FRYL: variants seen among roughly 807,000 people sequenced by gnomAD.
FRYL encodes the protein FRY like transcription coactivator.
In FRYL, 150 loss-of-function variants were observed where a neutral mutation model predicts 351.2. The observed-to-expected ratio is 0.43, with a 90% CI of 0.37 to 0.49. The LOEUF is 0.49. FRYL is among the 20% of genes least tolerant of loss of function. FRYL has a pLI of 0.00. For synonymous variants in FRYL, 1,153 were observed against 1,257.1 expected, an observed-to-expected ratio of 0.92 and a Z score of 1.75; for missense variants, 3,036 against 3,619.3, an observed-to-expected ratio of 0.84 and a Z score of 4.13.
At chr4:48,739,128 C>A (rs114807211) in intron 1 of FRYL, among the ~76,000 whole-genome samples, 3 of 152,134 alleles carry the variant, frequency 2.0e-5, no homozygotes, top group Non-Finnish European at 4.4e-5. Context: ...TGGCTGGGCA[C>A]GGTGGCTCAT....
At chr4:48,664,321 T>C (rs763959643) in intron 3 of FRYL, among the ~76,000 whole-genome samples, 1 of 152,170 alleles carries the variant, frequency 6.6e-6, no homozygotes, top group African/African-American at 2.4e-5. Context: ...TGGAAGTCAA[T>C]GGGCTATTTA....
intron 2 of FRYL, among the ~76,000 whole-genome samples, chr4:48,689,917 C>T (rs1184025869): frequency 3.7e-5 from 5 of 134,070 alleles, no homozygotes; most frequent in Non-Finnish European, 3.1e-5. Flanking sequence ...TTTTTTGAGA[C>T]GGAGTCTCAC....
intron 60 of FRYL, among the ~76,000 whole-genome samples, chr4:48,503,352 A>G (rs141144657): frequency 7.2e-5 from 11 of 152,290 alleles, no homozygotes; most frequent in African/African-American, 2.6e-4. Context: ...CAGGCTTCCT[A>G]TCCTTTACTG....
At chr4:48,524,813 A>G (rs1725657154) in intron 53 of FRYL, among the ~76,000 whole-genome samples, 1 of 152,186 alleles carries the variant, frequency 6.6e-6, no homozygotes, top group East Asian at 1.9e-4. Context: ...ACAAGAGGCA[A>G]ACAAAAAGAA....
chr4:48,673,584 T>C (rs1763065596), intron 3 of FRYL, among the ~76,000 whole-genome samples: 2 of 152,140 alleles, frequency 1.3e-5, no homozygotes, highest in African/African-American at 4.8e-5. Context: ...AAAAATACTG[T>C]ATACCTAAAG....
intron 7 of FRYL, among the ~76,000 whole-genome samples, chr4:48,617,122 G>A (rs1177705693): frequency 6.6e-6 from 1 of 152,038 alleles, no homozygotes; most frequent in Non-Finnish European, 1.5e-5. Context: ...TTTTTGATGA[G>A]TGCATTTAAA....
intron 1 of FRYL, among the ~76,000 whole-genome samples, chr4:48,777,306 T>C (rs559245529): frequency 6.6e-6 from 1 of 152,344 alleles, no homozygotes; most frequent in African/African-American, 2.4e-5. Flanking sequence ...TAGATTGACA[T>C]ATCTTCCCCC....
At chr4:48,576,632 A>C (rs977336235) in intron 23 of FRYL, among the ~76,000 whole-genome samples, 9 of 152,174 alleles carry the variant, frequency 5.9e-5, no homozygotes, top group Admixed American at 3.3e-4. Flanking sequence ...GATGGTTAGC[A>C]TAAGGTTTTT....
chr4:48,537,536 A>G (rs534434095), intron 47 of FRYL, among the ~76,000 whole-genome samples: 47 of 152,332 alleles, frequency 3.1e-4, no homozygotes, highest in African/African-American at 1.1e-3. Context: ...ATGGCAGAAA[A>G]TTACTCTCTA....
Position 48,499,696 on chromosome 4 carries a change from A to G in FRYL, c.8784-16T>C, listed in dbSNP as rs1719112189. 11 of 1,609,688 alleles carry G rather than the reference A, an allele frequency of 6.8e-6. No homozygotes were observed. Among genetic ancestry groups the G allele is most frequent in the South Asian group, 1.1e-5 (1 of 90,630 alleles). Reference sequence around the variant, plus strand: ...CCAGAGAGATCTGAAAATACACAATAGTTTTTCAGTTCTGAGACTTAGGCA... The same window carrying G: ...CCAGAGAGATCTGAAAATACACAATGGTTTTTCAGTTCTGAGACTTAGGCA... On this transcript the variant is annotated splice_polypyrimidine_tract_variant and intron_variant, in intron 63 of 63. Coordinates refer to ENST00000358350, the MANE Select transcript of FRYL (RefSeq NM_015030.2).
chr4:48,627,569 T>C (rs1371577696), intron 4 of FRYL, among the ~76,000 whole-genome samples: 2 of 152,148 alleles, frequency 1.3e-5, no homozygotes, highest in African/African-American at 4.8e-5. Flanking sequence ...GGGTTGTTTT[T>C]TCCATAAGAA....
chr4:48,630,592 G>A (rs1267703374), intron 4 of FRYL, among the ~76,000 whole-genome samples: 2 of 152,082 alleles, frequency 1.3e-5, no homozygotes, highest in Admixed American at 1.3e-4. Flanking sequence ...AAGGACCTAA[G>A]GTATTGGATT....
At position 48,780,089 on chromosome 4, in the gene FRYL, C is replaced by G. The variant is rs920115085; in HGVS notation, c.-395G>C. ...CAGTCAACACCTACCCGTTCCCAGT[C>G]CTAGTACAGCTGCCTCGCTCCTCCA... On this transcript the variant is annotated 5_prime_UTR_variant, in exon 1 of 64. Coordinates refer to ENST00000358350, the MANE Select transcript of FRYL (RefSeq NM_015030.2). 15 of 153,832 alleles carry G rather than the reference C, an allele frequency of 9.8e-5. 1 individual carries two copies. The highest frequency in any genetic ancestry group is 3.4e-4 in the African/African-American group (14 of 41,490). The allele number at this position is 153,832 out of a possible 1,614,324, so 9.5% of individuals were successfully genotyped here.
Position 48,547,770 on chromosome 4 carries a change from C to T in FRYL, c.4889-1G>A. On this transcript the variant is annotated splice_acceptor_variant, in intron 40 of 63. Coordinates refer to ENST00000358350, the MANE Select transcript of FRYL (RefSeq NM_015030.2). LOFTEE classifies it high-confidence loss of function. ...ACCTCAGGGTGGCAGTGGTCAAACCCTAAAAAGGATAGTAGAGAAACATTA... is the reference window on the plus strand; with the variant it reads ...ACCTCAGGGTGGCAGTGGTCAAACCTTAAAAAGGATAGTAGAGAAACATTA... 1 of 1,456,546 alleles carries T rather than the reference C, an allele frequency of 6.9e-7. No individual in the cohort carries two copies. Among genetic ancestry groups the T allele is most frequent in the South Asian group, 1.6e-5 (1 of 63,058 alleles). 90.2% of individuals were successfully genotyped at this position (1,456,546 alleles called of 1,614,324 possible). A position where few individuals can be genotyped will look rare whatever the true frequency, so the allele number is the denominator to read the frequency against.
chr4:48,766,013 T>A (rs1485127472), intron 1 of FRYL, among the ~76,000 whole-genome samples: 2 of 152,288 alleles, frequency 1.3e-5, no homozygotes, highest in East Asian at 3.9e-4. Flanking sequence ...GAAAAGGGAA[T>A]GCTTGCATAC....
intron 47 of FRYL, among the ~76,000 whole-genome samples, chr4:48,539,748 G>T (rs78751774): frequency 6.6e-6 from 1 of 152,142 alleles, no homozygotes; most frequent in Non-Finnish European, 1.5e-5. Context: ...CAGACTCAGA[G>T]GAGTGTTACT....
chr4:48,750,363 AG>A (rs1286672878), intron 1 of FRYL, among the ~76,000 whole-genome samples: 1 of 151,972 alleles, frequency 6.6e-6, no homozygotes, highest in African/African-American at 2.4e-5. Context: ...TGGGAGGCTG[AG>A]GCAGGAGCAT....
intron 3 of FRYL, among the ~76,000 whole-genome samples, chr4:48,660,773 T>C (rs1760550575): frequency 6.6e-6 from 1 of 152,208 alleles, no homozygotes; most frequent in South Asian, 2.1e-4. Context: ...GCACTTAATC[T>C]GTATTCTTCT....
intron 1 of FRYL, among the ~76,000 whole-genome samples, chr4:48,772,925 C>G (rs2109423436): frequency 6.6e-6 from 1 of 152,334 alleles, no homozygotes; most frequent in East Asian, 1.9e-4. Context: ...TATCTTACAA[C>G]TACTGTCATC....
Sources: allele counts gnomAD v4.1 joint callset (sites outside exome capture counted in the v4.1 genomes callset), GRCh38; gene constraint gnomAD v4.1.1; transcripts MANE v1.5; gene names NCBI Gene and HGNC (gene_info 2026-07-23, HGNC 2026-07-21).